Variants in GAS7 observed in about 807,000 individuals in gnomAD.
GAS7 encodes growth arrest specific 7.
In GAS7, 28 loss-of-function variants were observed where a neutral mutation model predicts 71.1. That is an observed-to-expected ratio of 0.39 (90% confidence interval 0.29 to 0.54). GAS7 has a LOEUF of 0.54. GAS7 is among the 20% of genes least tolerant of loss of function. The pLI, the probability that GAS7 is intolerant of heterozygous loss-of-function variation, is 0.62. For missense variants in GAS7, 436 were observed against 627.8 expected (o/e 0.69, Z 3.27); for synonymous variants, 258 against 245.8 (o/e 1.05, Z -0.46).
At position 9,919,967 on chromosome 17, in the gene GAS7, TTTTG is replaced by T. The variant is rs1249460889; in HGVS notation, c.1139-266_1139-263del. ...CAAGGATTCAGGATGGTGGTTCTCA[TTTTG>T]TGTGTGTGTGTGTGTGTGTGTGTGT... On this transcript the variant is annotated intron_variant, in intron 11 of 13. Transcript: ENST00000432992. The surrounding 1 kb of genome is among the most constrained non-coding windows in gnomAD (Gnocchi z 5.0). Among the ~76,000 whole-genome samples the T allele has an allele frequency of 1.5e-4, 17 of 116,180 alleles. No homozygotes were observed. The highest frequency in any genetic ancestry group is 2.0e-4 in the Non-Finnish European group (11 of 54,416). The allele number at this position is 116,180 out of a possible 152,430, so 76.2% of individuals were successfully genotyped here.
At chr17:9,944,682 G>C (rs1350666743) in intron 6 of GAS7, among the ~76,000 whole-genome samples, 1 of 152,228 alleles carries the variant, frequency 6.6e-6, no homozygotes, top group Non-Finnish European at 1.5e-5. Context: ...TAACATCCCT[G>C]ATGACAGGGA....
intron 1 of GAS7, among the ~76,000 whole-genome samples, chr17:10,063,425 C>A (rs970651497): frequency 1.3e-5 from 2 of 152,208 alleles, no homozygotes; most frequent in African/African-American, 4.8e-5. Flanking sequence ...TGCAATGATC[C>A]ACCATTTTCT....
intron 1 of GAS7, among the ~76,000 whole-genome samples, chr17:10,049,082 G>A (rs567548180): frequency 6.6e-5 from 10 of 152,258 alleles, no homozygotes; most frequent in East Asian, 1.9e-4. Flanking sequence ...CTGTCCAGGC[G>A]CATACCAACA....
intron 1 of GAS7, among the ~76,000 whole-genome samples, chr17:10,075,659 G>A (rs2073382372): frequency 6.6e-6 from 1 of 152,036 alleles, no homozygotes; most frequent in Admixed American, 6.6e-5. Context: ...GATGAGTGTG[G>A]TGGCACACAC....
At chr17:10,138,523 G>T (rs903267645) in intron 1 of GAS7, among the ~76,000 whole-genome samples, 1 of 152,082 alleles carries the variant, frequency 6.6e-6, no homozygotes, top group African/African-American at 2.4e-5. Context: ...CCAGCACTTT[G>T]GGAAGCCGAG....
rs2070088762 is a variant in GAS7, at chr17:9,974,190, C to T, written c.386-4428G>A. 6.6e-6 allele frequency among the ~76,000 whole-genome samples: 1 copy of T among 152,224 alleles called. No individual in the cohort carries two copies. Among genetic ancestry groups the T allele is most frequent in the Admixed American group, 6.5e-5 (1 of 15,286 alleles). On this transcript the variant is annotated intron_variant, in intron 3 of 13. Coordinates refer to ENST00000432992, the MANE Select transcript of GAS7 (RefSeq NM_201433.2). The surrounding 1 kb of genome is among the most constrained non-coding windows in gnomAD (Gnocchi z 4.0). ...TTACGAGGAAAGAAAACACAGTTTT[C>T]CATTCGACCCTTTCTCCCCACGTAG...
intron 1 of GAS7, among the ~76,000 whole-genome samples, chr17:10,152,716 T>C (rs1186282153): frequency 6.6e-6 from 1 of 152,066 alleles, no homozygotes; most frequent in Admixed American, 6.6e-5. Context: ...CTCCAATCTG[T>C]CAATTCAGGG....
At chr17:10,148,480 T>C in intron 1 of GAS7, among the ~76,000 whole-genome samples, 1 of 145,100 alleles carries the variant, frequency 6.9e-6, no homozygotes. Context: ...TAGCCAGGCG[T>C]GGTGGTGCAT....
chr17:10,005,328 T>TACAC (rs564932578), intron 2 of GAS7, among the ~76,000 whole-genome samples: 97 of 149,290 alleles, frequency 6.5e-4, no homozygotes, highest in African/African-American at 2.1e-3. Flanking sequence ...CATATATATA[T>TACAC]ACACACACAC....
At chr17:10,004,814 A>T (rs1255246349) in intron 2 of GAS7, among the ~76,000 whole-genome samples, 1 of 152,178 alleles carries the variant, frequency 6.6e-6, no homozygotes, top group Non-Finnish European at 1.5e-5. Flanking sequence ...GTTCAAGACC[A>T]GCCTGACCAA....
At chr17:9,950,001 T>C (rs1394221392) in intron 5 of GAS7, among the ~76,000 whole-genome samples, 1 of 151,882 alleles carries the variant, frequency 6.6e-6, no homozygotes, top group South Asian at 2.1e-4. Flanking sequence ...GTAGCTGGGA[T>C]TACAGGTGCA....
At position 10,047,948 on chromosome 17, in the gene GAS7, T is replaced by C. The variant is rs140357792; in HGVS notation, c.184-28051A>G. Among the ~76,000 whole-genome samples the C allele has an allele frequency of 4.6e-3, 693 of 152,292 alleles. 6 individuals carry two copies. The highest frequency in any genetic ancestry group is 0.016 in the African/African-American group (657 of 41,540). ...AGAATAGGTTAAACTTAATAACCAATTGCAATTAAAATTATCAAGTATTAA... is the reference window on the plus strand; with the variant it reads ...AGAATAGGTTAAACTTAATAACCAACTGCAATTAAAATTATCAAGTATTAA... On this transcript the variant is annotated intron_variant, in intron 1 of 13. Coordinates refer to ENST00000432992, the MANE Select transcript of GAS7 (RefSeq NM_201433.2).
At position 9,917,163 on chromosome 17, in the gene GAS7, T is replaced by C; in HGVS notation, c.*65A>G. 1.0e-6 allele frequency: 1 copy of C among 997,454 alleles called. No homozygotes were observed. Among genetic ancestry groups the C allele is most frequent in the Non-Finnish European group, 1.6e-6 (1 of 618,152 alleles). 61.8% of individuals were successfully genotyped at this position (997,454 alleles called of 1,614,324 possible). The stretch of plus-strand genomic sequence containing the variant: ...GAGGGTGGGGGGCATCCACTCGGCA[T>C]GGGCCCCATGGTGGGAGCCCAGCCC... On this transcript the variant is annotated 3_prime_UTR_variant, in exon 14 of 14. Transcript: ENST00000432992.
At chr17:10,189,405 C>G (rs551976910) in intron 1 of GAS7, among the ~76,000 whole-genome samples, 1 of 152,284 alleles carries the variant, frequency 6.6e-6, no homozygotes, top group African/African-American at 2.4e-5. Flanking sequence ...CTTTCCAGAA[C>G]GCATCCGAAG....
intron 11 of GAS7, chr17:9,924,529 C>CCCA (rs141809028): frequency 6.8e-6 from 1 of 146,256 alleles, no homozygotes; most frequent in Non-Finnish European, 1.5e-5. Context: ...CCTTCTGTGC[C>CCCA]CCCCCTTCTC....
At chr17:10,063,286 G>A (rs1379564361) in intron 1 of GAS7, among the ~76,000 whole-genome samples, 4 of 152,332 alleles carry the variant, frequency 2.6e-5, no homozygotes, top group South Asian at 2.1e-4. Flanking sequence ...GCGCGCACGC[G>A]TTTGTGTGTC....
chr17:9,995,511 C>T (rs2071005449), intron 2 of GAS7, among the ~76,000 whole-genome samples: 1 of 132,946 alleles, frequency 7.5e-6, no homozygotes, highest in African/African-American at 2.8e-5. Flanking sequence ...AGGTGATTTA[C>T]AGAAAAAACA....
intron 1 of GAS7, among the ~76,000 whole-genome samples, chr17:10,059,022 T>C (rs2073186264): frequency 6.6e-6 from 1 of 152,208 alleles, no homozygotes; most frequent in African/African-American, 2.4e-5. Context: ...CTGTATCCCC[T>C]TTCACTGTTG....
intron 1 of GAS7, among the ~76,000 whole-genome samples, chr17:10,194,820 C>A (rs1328681009): frequency 7.0e-6 from 1 of 143,020 alleles, no homozygotes; most frequent in East Asian, 2.1e-4. Flanking sequence ...CAAAATACAA[C>A]TGCACTCCAG....
Sources: allele counts gnomAD v4.1 joint callset (sites outside exome capture counted in the v4.1 genomes callset), GRCh38; gene constraint gnomAD v4.1.1; non-coding constraint Gnocchi (gnomAD v3.1); transcripts MANE v1.5; gene names NCBI Gene and HGNC (gene_info 2026-07-23, HGNC 2026-07-21).